PCDHGA3: variants seen among roughly 807,000 people sequenced by gnomAD.
PCDHGA3 encodes protocadherin gamma-A3.
In PCDHGA3, 40 loss-of-function variants were observed where a neutral mutation model predicts 58.5. The ratio of observed to expected loss-of-function variants is 0.68; its 90% confidence interval spans 0.53 to 0.89. The LOEUF (loss-of-function observed/expected upper bound fraction) is 0.89. PCDHGA3 is among the 40% of genes least tolerant of loss of function. The pLI is 0.00. For missense variants in PCDHGA3, 1,223 were observed against 1,195.9 expected (o/e 1.02, Z -0.33); for synonymous variants, 530 against 525.7 (o/e 1.01, Z -0.11).
At chr5:141,373,523 C>T (rs2150024723) in intron 1 of PCDHGA3, among the ~76,000 whole-genome samples, 1 of 152,052 alleles carries the variant, frequency 6.6e-6, no homozygotes, top group African/African-American at 2.4e-5. Flanking sequence ...ACTTTGTCTC[C>T]AAAAAAGTGT....
intron 1 of PCDHGA3, chr5:141,404,457 C>A: frequency 1.2e-6 from 2 of 1,612,824 alleles, no homozygotes; most frequent in Non-Finnish European, 1.7e-6. Flanking sequence ...TCTCCTCTCT[C>A]CACCTATGTC....
rs1589320809 is a variant in PCDHGA3, at chr5:141,398,163, G to A, written c.2424+51706G>A. 6 of 1,482,244 alleles carry A rather than the reference G, an allele frequency of 4.0e-6. No homozygotes were observed. The Admixed American group carries it at 1.0e-4, about 26-fold the overall frequency. The allele number at this position is 1,482,244 out of a possible 1,614,324, so 91.8% of individuals were successfully genotyped here. A position where few individuals can be genotyped will look rare whatever the true frequency, so the allele number is the denominator to read the frequency against. Reference sequence around the variant, plus strand: ...GCGCCGGGGAGCTGGGCCGGGCTGAGAGGCTGCCAGTGCTCTTTCTCTTCC... The same window carrying A: ...GCGCCGGGGAGCTGGGCCGGGCTGAAAGGCTGCCAGTGCTCTTTCTCTTCC... On this transcript the variant is annotated intron_variant, in intron 1 of 3. Transcript: ENST00000253812.
rs766133958 is a variant in PCDHGA3, at chr5:141,403,000, A to G, written c.2424+56543A>G. 27 of 1,613,862 alleles carry G rather than the reference A, an allele frequency of 1.7e-5. No individual in the cohort carries two copies. Among genetic ancestry groups the G allele is most frequent in the Middle Eastern group, 1.6e-4 (1 of 6,082 alleles). ...AGCTCCGCGGAAGATTAGTCCTGCT[A>G]TGCTCGCTCCTGGGGATGCTATGGG... On this transcript the variant is annotated intron_variant, in intron 1 of 3. Transcript: ENST00000253812.
intron 1 of PCDHGA3, chr5:141,413,949 T>C (rs1291474416): frequency 6.2e-7 from 1 of 1,613,218 alleles, no homozygotes; most frequent in African/African-American, 1.3e-5. Context: ...TTCCTGAGAA[T>C]TTGCCTGTGG....
rs1375121802 is a variant in PCDHGA3 at position 141,432,471 on chromosome 5, G to A, written c.2425-62336G>A. 2 of 1,614,094 alleles carry A rather than the reference G, an allele frequency of 1.2e-6. No homozygotes were observed. Among genetic ancestry groups the A allele is most frequent in the African/African-American group, 2.7e-5 (2 of 74,946 alleles). ...CTGTACCCCGCCCTCCCCACGGACG[G>A]TTCCACTGGCGTGGAGCTGGCTCCC... is the stretch of plus-strand genomic sequence containing the variant. On this transcript the variant is annotated intron_variant, in intron 1 of 3. Coordinates refer to ENST00000253812, the MANE Select transcript of PCDHGA3 (RefSeq NM_018916.4). The surrounding 1 kb of genome is among the most constrained non-coding windows in gnomAD (Gnocchi z 6.0).
intron 1 of PCDHGA3, chr5:141,370,178 C>T (rs1214381916): frequency 2.6e-5 from 12 of 463,756 alleles, no homozygotes; most frequent in Non-Finnish European, 4.5e-5. Context: ...CGCCGGGTGC[C>T]GCTCTTGGCT....
rs1561964279 is a variant in PCDHGA3 at position 141,456,201 on chromosome 5, A to G, written c.2425-38606A>G. 2.0e-5 allele frequency among the ~76,000 whole-genome samples: 3 copies of G among 152,228 alleles called. No homozygotes were observed. The South Asian group carries it at 6.2e-4, about 32-fold the overall frequency. On this transcript the variant is annotated intron_variant, in intron 1 of 3. Coordinates refer to ENST00000253812, the MANE Select transcript of PCDHGA3 (RefSeq NM_018916.4). ...ATAATTTCTTAATAACTCCTACCAC[A>G]TTCCTCCCTGTGGCGATATCAAACT...
intron 1 of PCDHGA3, chr5:141,384,258 C>T: frequency 6.2e-7 from 1 of 1,613,896 alleles, no homozygotes; most frequent in Non-Finnish European, 8.5e-7. Flanking sequence ...CCACCTTCCC[C>T]CACTCATCCT....
At position 141,511,262 on chromosome 5, in the gene PCDHGA3, G is replaced by A; in HGVS notation, c.*89G>A. 1 of 1,556,036 alleles carries A rather than the reference G, an allele frequency of 6.4e-7. No individual in the cohort carries two copies. The highest frequency in any genetic ancestry group is 8.7e-7 in the Non-Finnish European group (1 of 1,150,444). On this transcript the variant is annotated 3_prime_UTR_variant, in exon 4 of 4. Transcript: ENST00000253812. ...TGCACCCAGGCCTCAGAGTTTCAGG[G>A]CTAACCCCCAGAATACTGGTAGGGG...
chr5:141,363,088 T>C (rs1762804335), intron 1 of PCDHGA3, among the ~76,000 whole-genome samples: 1 of 152,248 alleles, frequency 6.6e-6, no homozygotes, highest in Non-Finnish European at 1.5e-5. Context: ...AATGTATTTC[T>C]AAAGGACAGG....
chr5:141,351,124 C>T, intron 1 of PCDHGA3: 1 of 1,614,048 alleles, frequency 6.2e-7, no homozygotes. Context: ...CCAGCCTCTT[C>T]AATCTCAATC....
At position 141,505,406 on chromosome 5, in the gene PCDHGA3, G is replaced by A. The variant is rs546453598; in HGVS notation, c.2497G>A (p.Asp833Asn). 61 of 1,614,174 alleles carry A rather than the reference G, an allele frequency of 3.8e-5. No individual in the cohort carries two copies. The highest frequency in any genetic ancestry group is 1.1e-4 in the East Asian group (5 of 44,866). ...RPGTSGSQNG[D>N]DTGTWPNNQF... Reference sequence around the variant, plus strand: ...CTCTCTCCCCAGCTCCCAAAATGGCGATGACACCGGCACCTGGCCCAACAA... The same window carrying A: ...CTCTCTCCCCAGCTCCCAAAATGGCAATGACACCGGCACCTGGCCCAACAA... Residue 833 changes from aspartate to asparagine, a missense_variant, in exon 3 of 4, where the codon GAT (aspartate) becomes AAT (asparagine). Transcript: ENST00000253812.
In PCDHGA3 at chr5:141,382,776, A is replaced by G. The variant is rs572614689; in HGVS notation, c.2424+36319A>G. 9.9e-6 allele frequency: 8 copies of G among 809,846 alleles called. No individual in the cohort carries two copies. The Admixed American group carries it at 2.0e-4, about 21-fold the overall frequency. 50.2% of individuals were successfully genotyped at this position (809,846 alleles called of 1,614,324 possible). The stretch of plus-strand genomic sequence containing the variant: ...TAAGCCCTCTTCCAGGCTGCACTAA[A>G]CTCAAGCCTCTATCCTGCTGGATTC... On this transcript the variant is annotated intron_variant, in intron 1 of 3. Transcript: ENST00000253812.
chr5:141,447,805 G>T (rs1389870133), intron 1 of PCDHGA3, among the ~76,000 whole-genome samples: 2 of 152,064 alleles, frequency 1.3e-5, no homozygotes, highest in African/African-American at 4.8e-5. Context: ...AATAAAATTG[G>T]CTGGGCGTGG....
chr5:141,399,721 G>C, intron 1 of PCDHGA3: 1 of 1,613,292 alleles, frequency 6.2e-7, no homozygotes, highest in Non-Finnish European at 8.5e-7. Flanking sequence ...ACAGGCCCGC[G>C]ACCAGGGCTC....
intron 1 of PCDHGA3, chr5:141,351,875 A>G (rs921093798): frequency 3.7e-6 from 6 of 1,613,296 alleles, no homozygotes; most frequent in Non-Finnish European, 5.1e-6. Flanking sequence ...CCCCGCGCTC[A>G]GCGCCAACGT....
intron 1 of PCDHGA3, chr5:141,422,091 G>C: frequency 6.2e-7 from 1 of 1,611,830 alleles, no homozygotes. Context: ...TGGAAAGCAA[G>C]GCTTCTGAAA....
chr5:141,419,220 A>G (rs2096345873), intron 1 of PCDHGA3: 1 of 1,613,966 alleles, frequency 6.2e-7, no homozygotes, highest in Non-Finnish European at 8.5e-7. Context: ...GTTTTCGGAC[A>G]GTCAGCCTAC....
In PCDHGA3 at chr5:141,489,068, G is replaced by GGC; in HGVS notation, c.2425-5739_2425-5738insGC. 1 of 291,558 alleles carries GGC rather than the reference G, an allele frequency of 3.4e-6. No individual in the cohort carries two copies. The allele number at this position is 291,558 out of a possible 1,614,324, so 18.1% of individuals were successfully genotyped here. ...CTCAAATTCAGCTCCCCTCCCCCCT[G>GGC]CCCACCCCCGCCACTCGGTGACTAA... On this transcript the variant is annotated intron_variant, in intron 1 of 3. Transcript: ENST00000253812. The surrounding 1 kb of genome is among the most constrained non-coding windows in gnomAD (Gnocchi z 4.5).
Sources: gnomAD v4.1 joint callset for allele counts (sites outside exome capture counted in the v4.1 genomes callset) on GRCh38, gnomAD v4.1.1 for gene constraint, Gnocchi (gnomAD v3.1) non-coding constraint, MANE v1.5 for transcripts, NCBI Gene and HGNC (gene_info 2026-07-23, HGNC 2026-07-21) for gene names.